Variants in SGCZ observed in about 807,000 individuals in gnomAD.
The protein encoded by SGCZ is zeta-sarcoglycan.
Under a neutral mutation model 41.3 loss-of-function variants are expected in SGCZ, and 40 were observed. That is an observed-to-expected ratio of 0.97 (90% CI 0.75 to 1.26). SGCZ has a LOEUF of 1.26. Among genes scored for constraint, SGCZ ranks in the 50% most tolerant of loss-of-function variants. The pLI is 0.00. For missense variants in SGCZ, 552 were observed against 369.8 expected, an observed-to-expected ratio of 1.49 and a Z score of -4.04; for synonymous variants, 206 against 137.5, an observed-to-expected ratio of 1.50 and a Z score of -3.49.
At chr8:14,244,936 T>C (rs9692744) in intron 3 of SGCZ, among the ~76,000 whole-genome samples, 100,454 of 151,060 alleles carry the variant, frequency 0.66, 33,732 homozygotes, top group South Asian at 0.78. Context: ...TTTTTGTACA[T>C]TGATTTTGTA....
At chr8:14,156,732 TA>T (rs1297615108) in intron 5 of SGCZ, among the ~76,000 whole-genome samples, 1 of 152,138 alleles carries the variant, frequency 6.6e-6, no homozygotes, top group Non-Finnish European at 1.5e-5. Context: ...ACATTTTTGC[TA>T]AACACCAAGA....
intron 3 of SGCZ, among the ~76,000 whole-genome samples, chr8:14,243,261 G>A (rs866649692): frequency 2.6e-5 from 4 of 152,060 alleles, no homozygotes; most frequent in Middle Eastern, 3.2e-3. Context: ...TTTCTTCTCA[G>A]GGATGGAAAT....
chr8:14,233,724 C>T, intron 4 of SGCZ, among the ~76,000 whole-genome samples: 1 of 150,940 alleles, frequency 6.6e-6, no homozygotes, highest in Non-Finnish European at 1.5e-5. Flanking sequence ...ATCATGTTAT[C>T]AACATATATG....
At chr8:14,405,841 T>C (rs1799198659) in intron 2 of SGCZ, among the ~76,000 whole-genome samples, 1 of 151,774 alleles carries the variant, frequency 6.6e-6, no homozygotes, top group Admixed American at 6.6e-5. Context: ...GCATTATCAT[T>C]AGAATAATAT....
chr8:15,172,154 G>GTTTTTTTTTT (rs1183210302), intron 1 of SGCZ, among the ~76,000 whole-genome samples: 4 of 71,766 alleles, frequency 5.6e-5, no homozygotes, highest in African/African-American at 1.0e-4. Flanking sequence ...TTTATACTCT[G>GTTTTTTTTTT]TTTTTTTTTT....
chr8:14,251,803 C>A (rs1799296304), intron 3 of SGCZ, among the ~76,000 whole-genome samples: 1 of 151,976 alleles, frequency 6.6e-6, no homozygotes, highest in Non-Finnish European at 1.5e-5. Flanking sequence ...GGATACTTTG[C>A]CTCCCGGGTT....
At chr8:14,381,503 G>A (rs886136788) in intron 2 of SGCZ, among the ~76,000 whole-genome samples, 7 of 151,974 alleles carry the variant, frequency 4.6e-5, no homozygotes, top group Admixed American at 1.3e-4. Context: ...AGCCAGGCAC[G>A]GTGACTCATG....
chr8:14,648,567 GCA>G (rs1257357252), intron 1 of SGCZ, among the ~76,000 whole-genome samples: 2 of 152,032 alleles, frequency 1.3e-5, no homozygotes, highest in Non-Finnish European at 2.9e-5. Flanking sequence ...AATTCCTTAT[GCA>G]GCACTGGGAA....
At chr8:14,987,757 G>C (rs1400405852) in intron 1 of SGCZ, among the ~76,000 whole-genome samples, 3 of 151,906 alleles carry the variant, frequency 2.0e-5, no homozygotes, top group South Asian at 4.1e-4. Context: ...TTAATTTGAA[G>C]TTGTATTGCT....
At chr8:15,138,742 T>C in intron 1 of SGCZ, among the ~76,000 whole-genome samples, 1 of 152,306 alleles carries the variant, frequency 6.6e-6, no homozygotes, top group East Asian at 1.9e-4. Flanking sequence ...CTCTTTTCTT[T>C]ATAAATTACC....
At chr8:14,659,449 C>A (rs1035591496) in intron 1 of SGCZ, among the ~76,000 whole-genome samples, 1 of 152,000 alleles carries the variant, frequency 6.6e-6, no homozygotes, top group Non-Finnish European at 1.5e-5. Flanking sequence ...AAATTTTTTA[C>A]AGGGTATGAT....
At chr8:14,492,551 G>C (rs1463681819) in intron 2 of SGCZ, among the ~76,000 whole-genome samples, 1 of 152,112 alleles carries the variant, frequency 6.6e-6, no homozygotes, top group Non-Finnish European at 1.5e-5. Flanking sequence ...AATAGCACAA[G>C]ATTTACGAAG....
intron 1 of SGCZ, among the ~76,000 whole-genome samples, chr8:14,603,853 A>G (rs1805666936): frequency 6.6e-6 from 1 of 152,288 alleles, no homozygotes; most frequent in Non-Finnish European, 1.5e-5. Context: ...AAAGCATGCA[A>G]TAGTTGACTA....
At chr8:14,333,191 T>G (rs1585375254) in intron 2 of SGCZ, among the ~76,000 whole-genome samples, 1 of 152,092 alleles carries the variant, frequency 6.6e-6, no homozygotes, top group African/African-American at 2.4e-5. Flanking sequence ...TAAGGTTACC[T>G]GCTGGGAACC....
chr8:15,216,367 G>T (rs576940473), intron 1 of SGCZ, among the ~76,000 whole-genome samples: 5 of 151,632 alleles, frequency 3.3e-5, no homozygotes, highest in East Asian at 3.9e-4. Flanking sequence ...CTACAGGCAC[G>T]CACCACCACG....
intron 1 of SGCZ, among the ~76,000 whole-genome samples, chr8:14,650,405 C>T (rs1179661714): frequency 6.6e-6 from 1 of 151,886 alleles, no homozygotes; most frequent in African/African-American, 2.4e-5. Context: ...TCATATAGGT[C>T]AATTCATGTC....
intron 1 of SGCZ, among the ~76,000 whole-genome samples, chr8:14,754,375 C>T (rs988361071): frequency 1.4e-4 from 22 of 152,078 alleles, no homozygotes; most frequent in African/African-American, 5.3e-4. Flanking sequence ...TCTTCTTTTC[C>T]ATAGTAGATA....
At chr8:14,493,897 A>G (rs961947359) in intron 2 of SGCZ, among the ~76,000 whole-genome samples, 25 of 152,288 alleles carry the variant, frequency 1.6e-4, no homozygotes, top group African/African-American at 4.8e-4. Context: ...CTCTTTGGCA[A>G]TAAGTCTAAT....
intron 1 of SGCZ, among the ~76,000 whole-genome samples, chr8:15,233,405 T>C (rs1802021195): frequency 6.6e-6 from 1 of 151,880 alleles, no homozygotes; most frequent in Non-Finnish European, 1.5e-5. Context: ...ATTTAAATTG[T>C]AGATGAATGT....
Sources: allele counts gnomAD v4.1 joint callset (sites outside exome capture counted in the v4.1 genomes callset), GRCh38; gene constraint gnomAD v4.1.1; transcripts MANE v1.5; gene names NCBI Gene and HGNC (gene_info 2026-07-23, HGNC 2026-07-21).